The following SLC25A21 variants were observed in gnomAD, a reference collection of about 807,000 sequenced individuals.
SLC25A21 encodes mitochondrial 2-oxodicarboxylate carrier.
A neutral mutation model predicts 43.8 loss-of-function variants in SLC25A21; 47 were observed. The observed-to-expected ratio is 1.07, with a 90% confidence interval of 0.85 to 1.37. The LOEUF (loss-of-function observed/expected upper bound fraction) is 1.37. Among genes scored for constraint, SLC25A21 ranks in the 40% most tolerant of loss-of-function variants. The pLI is 0.00. For synonymous variants in SLC25A21, 131 were observed against 121.3 expected (o/e 1.08, Z -0.52); for missense variants, 352 against 350.2 (o/e 1.00, Z -0.04).
At chr14:36,984,652 T>C (rs1465152648) in intron 1 of SLC25A21, among the ~76,000 whole-genome samples, 2 of 152,136 alleles carry the variant, frequency 1.3e-5, no homozygotes, top group African/African-American at 2.4e-5. Flanking sequence ...ATTTTTTACC[T>C]GGTGATTTTT....
At chr14:36,935,924 C>T (rs570410803) in intron 1 of SLC25A21, among the ~76,000 whole-genome samples, 56 of 152,200 alleles carry the variant, frequency 3.7e-4, no homozygotes, top group African/African-American at 1.2e-3. Flanking sequence ...TGGAGTCCTG[C>T]AGGTTTAGAG....
intron 2 of SLC25A21, among the ~76,000 whole-genome samples, chr14:36,857,308 T>C (rs921506627): frequency 2.0e-5 from 3 of 152,288 alleles, no homozygotes; most frequent in Middle Eastern, 3.4e-3. Context: ...AACCCTCCGA[T>C]GCAAACACCT....
chr14:36,679,987 T>C lies in SLC25A21; in HGVS notation c.*671A>G. ...TTTAACATTCTGTTTTAAACAATGT[T>C]TTAAAATACCTATTTATTATCTTAC... is the stretch of plus-strand genomic sequence containing the variant. On this transcript the variant is annotated 3_prime_UTR_variant, in exon 10 of 10. Transcript: ENST00000331299. The C allele has an allele frequency of 1.2e-6, 1 of 853,656 alleles. No homozygotes were observed. The highest frequency in any genetic ancestry group is 1.4e-6 in the Non-Finnish European group (1 of 723,270). 52.9% of individuals were successfully genotyped at this position (853,656 alleles called of 1,614,324 possible). A position where few individuals can be genotyped will look rare whatever the true frequency, so the allele number is the denominator to read the frequency against.
intron 1 of SLC25A21, among the ~76,000 whole-genome samples, chr14:37,121,431 T>C (rs1955757): frequency 0.14 from 20,998 of 152,078 alleles, 3,295 homozygotes; most frequent in African/African-American, 0.37. Context: ...GTGAGGGAGG[T>C]ACAAAACAAG....
At chr14:36,690,222 G>T (rs985920509) in intron 7 of SLC25A21, among the ~76,000 whole-genome samples, 2 of 152,036 alleles carry the variant, frequency 1.3e-5, no homozygotes, top group African/African-American at 4.8e-5. Context: ...AACAAAAATT[G>T]CTATACATGT....
At chr14:36,691,785 A>G (rs574671637) in intron 7 of SLC25A21, among the ~76,000 whole-genome samples, 17 of 152,328 alleles carry the variant, frequency 1.1e-4, no homozygotes, top group Non-Finnish European at 2.4e-4. Context: ...ATTTATTTAT[A>G]AGTGGTATGT....
chr14:36,765,433 A>C (rs1185460192), intron 3 of SLC25A21, among the ~76,000 whole-genome samples: 1 of 152,240 alleles, frequency 6.6e-6, no homozygotes, highest in African/African-American at 2.4e-5. Flanking sequence ...GGTTGTTTTA[A>C]GCCCCAGTGT....
At chr14:36,959,642 G>A (rs1184253137) in intron 1 of SLC25A21, among the ~76,000 whole-genome samples, 1 of 152,048 alleles carries the variant, frequency 6.6e-6, no homozygotes, top group Non-Finnish European at 1.5e-5. Flanking sequence ...AAGGCAACCC[G>A]GTTTTTTGCT....
rs1413118541 is a variant in SLC25A21, at chr14:36,678,520, A to G, written c.*2138T>C. 1.3e-6 allele frequency: 2 copies of G among 1,536,890 alleles called. No individual in the cohort carries two copies. The highest frequency in any genetic ancestry group is 1.7e-6 in the Non-Finnish European group (2 of 1,146,754). The stretch of plus-strand genomic sequence containing the variant: ...AATAGACTATAAACTGAATGGAACA[A>G]AGATCCAATCCAATATTTTGGTGGA... On this transcript the variant is annotated 3_prime_UTR_variant, in exon 10 of 10. Coordinates refer to ENST00000331299, the MANE Select transcript of SLC25A21 (RefSeq NM_030631.4).
intron 1 of SLC25A21, among the ~76,000 whole-genome samples, chr14:37,001,710 TAC>T (rs773221081): frequency 1.3e-5 from 2 of 152,212 alleles, no homozygotes; most frequent in Non-Finnish European, 1.5e-5. Context: ...ACACATTGCC[TAC>T]TCACAAAGAG....
At position 37,151,298 on chromosome 14, in the gene SLC25A21, C is replaced by G. The variant is rs900289068; in HGVS notation, c.70+20983G>C. 4.6e-5 allele frequency among the ~76,000 whole-genome samples: 7 copies of G among 152,210 alleles called. No homozygotes were observed. The East Asian group carries it at 1.2e-3, about 25-fold the overall frequency. On this transcript the variant is annotated intron_variant, in intron 1 of 9. Coordinates refer to ENST00000331299, the MANE Select transcript of SLC25A21 (RefSeq NM_030631.4). ...ACACCAGTATCTTATTAGTTGTGTG[C>G]GAATTCAGTTAACAATACGTGAGGG...
intron 3 of SLC25A21, among the ~76,000 whole-genome samples, chr14:36,796,757 G>A (rs1270781387): frequency 6.6e-6 from 1 of 152,142 alleles, no homozygotes; most frequent in Admixed American, 6.6e-5. Context: ...GATCCATGTG[G>A]ACACTTAGTT....
At chr14:36,938,701 A>C (rs1892485873) in intron 1 of SLC25A21, among the ~76,000 whole-genome samples, 1 of 152,108 alleles carries the variant, frequency 6.6e-6, no homozygotes, top group East Asian at 1.9e-4. Flanking sequence ...AACAGGACCA[A>C]CCACAAAGAA....
At chr14:37,046,919 A>T (rs1292418617) in intron 1 of SLC25A21, among the ~76,000 whole-genome samples, 1 of 152,200 alleles carries the variant, frequency 6.6e-6, no homozygotes, top group Non-Finnish European at 1.5e-5. Flanking sequence ...AGATCCTCTG[A>T]GTCTGTCTTA....
chr14:36,816,572 T>C (rs939131561), intron 2 of SLC25A21, among the ~76,000 whole-genome samples: 1 of 150,518 alleles, frequency 6.6e-6, no homozygotes, highest in African/African-American at 2.4e-5. Flanking sequence ...TCACAGCTCA[T>C]TGCATCTTCA....
At chr14:37,044,228 T>C (rs555074537) in intron 1 of SLC25A21, among the ~76,000 whole-genome samples, 209 of 152,246 alleles carry the variant, frequency 1.4e-3, no homozygotes, top group Admixed American at 2.3e-3. Flanking sequence ...AAGGAAATTT[T>C]CCCCATTTTG....
At chr14:37,093,735 G>A (rs1329898711) in intron 1 of SLC25A21, among the ~76,000 whole-genome samples, 2 of 152,070 alleles carry the variant, frequency 1.3e-5, no homozygotes, top group East Asian at 1.9e-4. Flanking sequence ...AAGGAATAAG[G>A]GGCAGATGGA....
intron 6 of SLC25A21, among the ~76,000 whole-genome samples, chr14:36,715,165 T>C (rs1457187729): frequency 1.3e-5 from 2 of 152,198 alleles, no homozygotes; most frequent in African/African-American, 4.8e-5. Context: ...ATAGTACAAA[T>C]ATATTTTTCT....
chr14:36,897,919 C>A (rs1344562915), intron 1 of SLC25A21, among the ~76,000 whole-genome samples: 2 of 152,166 alleles, frequency 1.3e-5, no homozygotes, highest in Non-Finnish European at 2.9e-5. Context: ...GAGTACCTGG[C>A]CGTGTGAGGT....
Sources: allele counts gnomAD v4.1 joint callset (sites outside exome capture counted in the v4.1 genomes callset), GRCh38; gene constraint gnomAD v4.1.1; transcripts MANE v1.5; gene names NCBI Gene and HGNC (gene_info 2026-07-23, HGNC 2026-07-21).